The following GBP5 variants were observed in gnomAD, a reference collection of about 807,000 sequenced individuals.
GBP5 encodes the protein guanylate binding protein 5.
A neutral mutation model predicts 58.2 loss-of-function variants in GBP5; 48 were observed. The ratio of observed to expected loss-of-function variants is 0.83; its 90% CI spans 0.65 to 1.05. The LOEUF (loss-of-function observed/expected upper bound fraction) is 1.05. Ranked by LOEUF, GBP5 falls within the 50% of genes least tolerant of loss-of-function variation. The probability of loss-of-function intolerance (pLI) is 0.00; values close to 1 mark genes in which losing one functional copy is unlikely to be tolerated. For synonymous variants in GBP5, 248 were observed against 251.8 expected, an observed-to-expected ratio of 0.98 and a Z score of 0.14; for missense variants, 714 against 686.8, an observed-to-expected ratio of 1.04 and a Z score of -0.44.
At chr1:89,268,207 T>C (rs1291597128) in intron 4 of GBP5, among the ~76,000 whole-genome samples, 1 of 152,220 alleles carries the variant, frequency 6.6e-6, no homozygotes, top group Non-Finnish European at 1.5e-5. Flanking sequence ...ATCATGGTTG[T>C]TTTTGTTTTT....
At position 89,263,943 on chromosome 1, in the gene GBP5, T is replaced by C. The variant is rs771209777; in HGVS notation, c.1155A>G (p.Leu385=). The C allele has an allele frequency of 2.5e-6, 4 of 1,598,728 alleles. No homozygotes were observed. The highest frequency in any genetic ancestry group is 4.5e-5 in the East Asian group (2 of 44,774). ...AAATGTCATTCTGTTTTGCATCTAGTAGAGTCTTCAAAGAGACAAAAACCC... is the reference window on the plus strand; with the variant it reads ...AAATGTCATTCTGTTTTGCATCTAGCAGAGTCTTCAAAGAGACAAAAACCC... ...DQSFQKELET[L]LDAKQNDICK... is the part of the protein sequence containing the mutation. The change falls in exon 9 of 12, where the codon CTA becomes CTG. Residue 385 remains leucine, a synonymous_variant. Coordinates refer to ENST00000370459, the MANE Select transcript of GBP5 (RefSeq NM_052942.5).
intron 3 of GBP5, 101 bp from the exon 4 acceptor site, chr1:89,268,957 T>G: frequency 8.7e-7 from 1 of 1,154,312 alleles, no homozygotes; most frequent in South Asian, 1.4e-5. Flanking sequence ...GATGAGGAGA[T>G]AGCAGAATGT....
Position 89,269,568 on chromosome 1 carries a change from A to T in GBP5, c.-13T>A, listed in dbSNP as rs1208847396. On this transcript the variant is annotated 5_prime_UTR_variant, in exon 3 of 12. Transcript: ENST00000370459. ...TCTCTAAAGCCATGTCTAGGATGTT[A>T]CTTTGCCTGCAAGGGAACAGATGGG... 5.6e-6 allele frequency: 9 copies of T among 1,600,390 alleles called. No individual in the cohort carries two copies. Among genetic ancestry groups the T allele is most frequent in the Non-Finnish European group, 7.7e-6 (9 of 1,168,490 alleles).
intron 2 of GBP5, chr1:89,269,843 C>T (rs116050352): frequency 6.5e-5 from 14 of 217,010 alleles, no homozygotes; most frequent in African/African-American, 2.3e-4. Context: ...CCATTTCCTG[C>T]GTCTAACCTA....
At chr1:89,261,263 G>C (rs527332274) in intron 11 of GBP5, among the ~76,000 whole-genome samples, 41 of 152,324 alleles carry the variant, frequency 2.7e-4, no homozygotes, top group African/African-American at 9.9e-4. Flanking sequence ...ACAGAAGTAG[G>C]AGAAAAGAGT....
In GBP5 at chr1:89,267,088, T is replaced by A; in HGVS notation, c.494A>T (p.Asp165Val). 6.2e-7 allele frequency: 1 copy of A among 1,612,208 alleles called. No individual in the cohort carries two copies. The highest frequency in any genetic ancestry group is 1.1e-5 in the South Asian group (1 of 90,694). The change falls in exon 6 of 12, where the codon GAT becomes GTT. Residue 165 changes from aspartate (D) to valine (V), a missense_variant. Physicochemically the swap from Asp to Val is radical, Grantham distance 152. Coordinates refer to ENST00000370459, the MANE Select transcript of GBP5 (RefSeq NM_052942.5). ...RNSPDLDRVE[D>V]PADSASFFPD... ...GAAGAAGCTCGCAGAGTCAGCAGGA[T>A]CTTCAACCCTGTCAAGGTCGGGTGA...
intron 7 of GBP5, 110 bp downstream of exon 7, chr1:89,266,236 T>C: frequency 2.3e-6 from 2 of 878,674 alleles, no homozygotes; most frequent in Non-Finnish European, 3.5e-6. Context: ...ATTTTCACAG[T>C]AGCAATTGCC....
At position 89,262,758 on chromosome 1, in the gene GBP5, TTAAA is replaced by T; in HGVS notation, c.1386_1389del (p.Tyr462Ter). The stretch of plus-strand genomic sequence containing the variant: ...GCATGACTCACAGACTCCTTGGACT[TTAAA>T]TATTTCTGCAGAACTTCTTCAGCCT... On this transcript the variant is annotated frameshift_variant, in exon 10 of 12. Coordinates refer to ENST00000370459, the MANE Select transcript of GBP5 (RefSeq NM_052942.5). LOFTEE classifies it high-confidence loss of function. 1 of 1,575,666 alleles carries T rather than the reference TTAAA, an allele frequency of 6.3e-7. No homozygotes were observed. Among genetic ancestry groups the T allele is most frequent in the Non-Finnish European group, 8.6e-7 (1 of 1,168,438 alleles).
intron 10 of GBP5, 66 bp from the exon 11 acceptor site, chr1:89,262,467 T>C: frequency 7.0e-7 from 1 of 1,419,512 alleles, no homozygotes; most frequent in Admixed American, 2.0e-5. Context: ...CCACTTTTGT[T>C]TGTGATTGTT....
At chr1:89,267,662 CTTG>C (rs1438852617) in intron 4 of GBP5, 136 bp from the exon 5 acceptor site, 1 of 623,224 alleles carries the variant, frequency 1.6e-6, no homozygotes, top group African/African-American at 1.8e-5. Context: ...GAATAGTTCT[CTTG>C]TTAACATTGA....
At chr1:89,267,187 G>A (rs1650256109) in intron 5 of GBP5, 34 bp from the exon 6 acceptor site, 2 of 1,523,808 alleles carry the variant, frequency 1.3e-6, no homozygotes, top group Admixed American at 4.1e-5. Context: ...GGCAGAAATA[G>A]GACCACATCT....
chr1:89,263,614 T>C, intron 9 of GBP5, 122 bp downstream of exon 9: 2 of 642,094 alleles, frequency 3.1e-6, no homozygotes, highest in Non-Finnish European at 5.5e-6. Context: ...AGAAAAGGAT[T>C]ACTACTAGAC....
In GBP5 at chr1:89,267,048, C is replaced by G. The variant is rs370471217; in HGVS notation, c.534G>C (p.Trp178Cys). The part of the protein sequence containing the change: ...DSASFFPDLV[W>C]TLRDFCLGLE... ...GGCCTAAGCAGAAATCTCTCAGAGT[C>G]CACACTAAGTCTGGGAAGAAGCTCG... The change falls in exon 6 of 12, where the codon TGG becomes TGC. Residue 178 changes from tryptophan (W) to cysteine (C), a missense_variant. Coordinates refer to ENST00000370459, the MANE Select transcript of GBP5 (RefSeq NM_052942.5). The G allele has an allele frequency of 1.9e-6, 3 of 1,612,724 alleles. No homozygotes were observed. The highest frequency in any genetic ancestry group is 2.5e-6 in the Non-Finnish European group (3 of 1,179,672).
At position 89,257,098 on chromosome 1, in the gene GBP5, T is replaced by C. The variant is rs1339481892; in HGVS notation, c.*3606A>G. Among the ~76,000 whole-genome samples the C allele has an allele frequency of 6.6e-6, 1 of 152,240 alleles. No homozygotes were observed. Among genetic ancestry groups the C allele is most frequent in the African/African-American group, 2.4e-5 (1 of 41,458 alleles). On this transcript the variant is annotated 3_prime_UTR_variant, in exon 12 of 12. Transcript: ENST00000370459. ...TATTTCTATGTTTTCCTAAGTATATTAGTCCATTTTCATACTGCTATGAAG... is the reference window on the plus strand; with the variant it reads ...TATTTCTATGTTTTCCTAAGTATATCAGTCCATTTTCATACTGCTATGAAG...
rs1650334813 is a variant in GBP5 at position 89,268,967 on chromosome 1, T to C, written c.191-111A>G. On this transcript the variant is annotated intron_variant, in intron 3 of 11. Coordinates refer to ENST00000370459, the MANE Select transcript of GBP5 (RefSeq NM_052942.5). ...AGCAAGATGAGGAGATAGCAGAATG[T>C]ACAACCAGTATTGATTTGAATGATG... 3 of 1,060,454 alleles carry C rather than the reference T, an allele frequency of 2.8e-6. No individual in the cohort carries two copies. In the East Asian group the frequency reaches 7.2e-5, roughly 26 times the overall value. 65.7% of individuals were successfully genotyped at this position (1,060,454 alleles called of 1,614,324 possible). A position where few individuals can be genotyped will look rare whatever the true frequency, so the allele number is the denominator to read the frequency against.
chr1:89,271,199 C>G (rs1479193931), intron 1 of GBP5: 1 of 152,052 alleles, frequency 6.6e-6, no homozygotes, highest in African/African-American at 2.4e-5. Flanking sequence ...CTGCTTGAGC[C>G]CTATAACCTT....
At position 89,262,781 on chromosome 1, in the gene GBP5, T is replaced by G. The variant is rs1650060080; in HGVS notation, c.1367A>C (p.Glu456Ala). 3.2e-6 allele frequency: 5 copies of G among 1,560,554 alleles called. No homozygotes were observed. Among genetic ancestry groups the G allele is most frequent in the Non-Finnish European group, 4.3e-6 (5 of 1,158,270 alleles). Residue 456 changes from glutamate to alanine, a missense_variant, in exon 10 of 12, where the codon GAA (glutamate) becomes GCA (alanine). Coordinates refer to ENST00000370459, the MANE Select transcript of GBP5 (RefSeq NM_052942.5). ...CTTTAAATATTTCTGCAGAACTTCTTCAGCCTAGCAACCCGGAAAACATGC... is the reference window on the plus strand; with the variant it reads ...CTTTAAATATTTCTGCAGAACTTCTGCAGCCTAGCAACCCGGAAAACATGC... ...YREPRKGIQA[E>A]EVLQKYLKSK...
chr1:89,260,802 G>C lies in GBP5; in HGVS notation c.1663C>G (p.Leu555Val), dbSNP rs986465730. The stretch of plus-strand genomic sequence containing the variant: ...TTTTGAGCTTGGAATGTTGTGCTGA[G>C]CTGTGCAGCCTGTTCCTAAAGAGTG... ...EQQMQEQAAQ[L>V]STTFQAQNRS... The change falls in exon 12 of 12, where the codon CTC becomes GTC. Residue 555 changes from leucine (L) to valine (V), a missense_variant. Leu to Val is a conservative substitution (Grantham distance 32). Coordinates refer to ENST00000370459, the MANE Select transcript of GBP5 (RefSeq NM_052942.5). 6.2e-7 allele frequency: 1 copy of C among 1,613,548 alleles called. No individual in the cohort carries two copies. Among genetic ancestry groups the C allele is most frequent in the South Asian group, 1.1e-5 (1 of 91,074 alleles).
chr1:89,261,999 A>C (rs1474582823), intron 11 of GBP5: 1 of 560,374 alleles, frequency 1.8e-6, no homozygotes, highest in African/African-American at 1.9e-5. Context: ...AGATATCATC[A>C]CTGTGTCCAT....
Sources: allele counts gnomAD v4.1 joint callset (sites outside exome capture counted in the v4.1 genomes callset), GRCh38; gene constraint gnomAD v4.1.1; transcripts MANE v1.5; gene names NCBI Gene and HGNC (gene_info 2026-07-23, HGNC 2026-07-21).